VPS26B: variants seen among roughly 807,000 people sequenced by gnomAD.
The protein encoded by VPS26B is VPS26 retromer complex component B, also known as vacuolar protein sorting-associated protein 26B.
Under a neutral mutation model 33.3 loss-of-function variants are expected in VPS26B, and 10 were observed. The ratio of observed to expected loss-of-function variants is 0.30; its 90% CI spans 0.19 to 0.51. VPS26B has a LOEUF of 0.51. Among genes scored for constraint, VPS26B ranks in the 20% least tolerant of loss-of-function variants. The probability of loss-of-function intolerance (pLI) is 0.98; values close to 1 mark genes in which losing one functional copy is unlikely to be tolerated. For missense variants in VPS26B, 317 were observed against 452.7 expected, an observed-to-expected ratio of 0.70 and a Z score of 2.72; for synonymous variants, 190 against 176.9, an observed-to-expected ratio of 1.07 and a Z score of -0.59.
At chr11:134,229,092 C>T (rs373441246) in intron 1 of VPS26B, among the ~76,000 whole-genome samples, 6 of 152,288 alleles carry the variant, frequency 3.9e-5, no homozygotes, top group South Asian at 2.1e-4. Flanking sequence ...TGCAGTGCCA[C>T]GATCACAGCT....
chr11:134,229,532 C>T (rs1565354775), intron 1 of VPS26B, among the ~76,000 whole-genome samples: 1 of 152,292 alleles, frequency 6.6e-6, no homozygotes, highest in East Asian at 1.9e-4. Flanking sequence ...CCATTTCGGC[C>T]TATGTCAGCT....
At chr11:134,234,071 A>T (rs1251531543) in intron 1 of VPS26B, among the ~76,000 whole-genome samples, 1 of 152,114 alleles carries the variant, frequency 6.6e-6, no homozygotes, top group Non-Finnish European at 1.5e-5. Flanking sequence ...AATCAGAAAC[A>T]CTAGGGTGGA....
At chr11:134,232,707 C>A (rs1367149698) in intron 1 of VPS26B, among the ~76,000 whole-genome samples, 1 of 152,194 alleles carries the variant, frequency 6.6e-6, no homozygotes, top group Non-Finnish European at 1.5e-5. Context: ...TTTTTCCATC[C>A]TTTTCTTCTC....
rs1938784844 is a variant in VPS26B at position 134,244,749 on chromosome 11, G to A, written c.722-189G>A. 1 of 643,874 alleles carries A rather than the reference G, an allele frequency of 1.6e-6. No homozygotes were observed. The highest frequency in any genetic ancestry group is 2.5e-6 in the Non-Finnish European group (1 of 393,352). The allele number at this position is 643,874 out of a possible 1,614,324, so 39.9% of individuals were successfully genotyped here. A position where few individuals can be genotyped will look rare whatever the true frequency, so the allele number is the denominator to read the frequency against. ...ACATGAGAAGCTGCAACATGACCTG[G>A]AGTGGAACTGGAGAGTCACATTTTT... On this transcript the variant is annotated intron_variant, in intron 4 of 5. Coordinates refer to ENST00000281187, the MANE Select transcript of VPS26B (RefSeq NM_052875.5). This position sits in a 1 kb window ranked among gnomAD's most constrained non-coding sequence, Gnocchi z 4.0.
In VPS26B at chr11:134,242,336, G is replaced by A. The variant is rs1055250795; in HGVS notation, c.546-783G>A. Among the ~76,000 whole-genome samples the A allele has an allele frequency of 2.0e-5, 3 of 152,124 alleles. No individual in the cohort carries two copies. In the East Asian group the frequency reaches 5.8e-4, roughly 29 times the overall value. ...TTTCTCTACCCCCTACTCACATCCT[G>A]GTTATCCAAGAGAACATTATCTCTT... On this transcript the variant is annotated intron_variant, in intron 3 of 5. Coordinates refer to ENST00000281187, the MANE Select transcript of VPS26B (RefSeq NM_052875.5).
At chr11:134,235,194 C>T in intron 2 of VPS26B, 141 bp downstream of exon 2, 1 of 1,113,250 alleles carries the variant, frequency 9.0e-7, no homozygotes, top group South Asian at 1.7e-5. Context: ...GCTGGTAAAC[C>T]ATTAACCGTG....
At chr11:134,232,113 C>T (rs1938563289) in intron 1 of VPS26B, among the ~76,000 whole-genome samples, 3 of 150,130 alleles carry the variant, frequency 2.0e-5, no homozygotes, top group Admixed American at 6.7e-5. Flanking sequence ...AAACCAAAGA[C>T]AGGATAGTTA....
At position 134,244,763 on chromosome 11, in the gene VPS26B, A is replaced by G; in HGVS notation, c.722-175A>G. On this transcript the variant is annotated intron_variant, in intron 4 of 5. Transcript: ENST00000281187. The surrounding 1 kb of genome is among the most constrained non-coding windows in gnomAD (Gnocchi z 4.0). ...AACATGACCTGGAGTGGAACTGGAG[A>G]GTCACATTTTTGTTTCAGCCACCTG... 2 of 748,750 alleles carry G rather than the reference A, an allele frequency of 2.7e-6. No homozygotes were observed. Among genetic ancestry groups the G allele is most frequent in the South Asian group, 2.0e-5 (1 of 49,234 alleles). The allele number at this position is 748,750 out of a possible 1,614,324, so 46.4% of individuals were successfully genotyped here.
rs1938609271 is a variant in VPS26B at position 134,234,937 on chromosome 11, C to T, written c.264C>T (p.Ser88=). The part of the protein sequence containing the change: ...YDRGNHHEFV[S]LVKDLARPGE... ...GCGGGAACCACCATGAGTTTGTGTC[C>T]CTGGTGAAGGACCTGGCCCGGCCTG... The change falls in exon 2 of 6, where the codon TCC becomes TCT. Residue 88 remains serine (S), a synonymous_variant. Coordinates refer to ENST00000281187, the MANE Select transcript of VPS26B (RefSeq NM_052875.5). The T allele has an allele frequency of 1.2e-6, 2 of 1,614,112 alleles. No individual in the cohort carries two copies. The highest frequency in any genetic ancestry group is 1.3e-5 in the African/African-American group (1 of 75,018).
Position 134,240,793 on chromosome 11 carries a change from C to CTG in VPS26B, c.545+638_545+639insTG, listed in dbSNP as rs1491496064. On this transcript the variant is annotated intron_variant, in intron 3 of 5. Transcript: ENST00000281187. This position sits in a 1 kb window ranked among gnomAD's most constrained non-coding sequence, Gnocchi z 4.4. ...TGTGTCCGTGTGTGTGTGTGTGTGT[C>CTG]CGTGTGTGTGTGTGTGTGTGTGTGT... Among the ~76,000 whole-genome samples the CTG allele has an allele frequency of 1.6e-5, 1 of 61,928 alleles. No homozygotes were observed. The highest frequency in any genetic ancestry group is 6.4e-5 in the African/African-American group (1 of 15,542). 40.6% of individuals were successfully genotyped at this position (61,928 alleles called of 152,430 possible).
chr11:134,228,559 AG>A (rs1675997654), intron 1 of VPS26B, among the ~76,000 whole-genome samples: 1 of 152,194 alleles, frequency 6.6e-6, no homozygotes, highest in South Asian at 2.1e-4. Flanking sequence ...TCGATGTAAA[AG>A]GGAGTTTGTG....
chr11:134,235,188 G>A, intron 2 of VPS26B, 135 bp downstream of exon 2: 1 of 1,178,084 alleles, frequency 8.5e-7, no homozygotes, highest in Non-Finnish European at 1.2e-6. Flanking sequence ...TGGCGTGCTG[G>A]TAAACCATTA....
rs1938862688 is a variant in VPS26B, at chr11:134,247,708, TAAA to T, written c.*2120_*2122del. ...TGTGTCATCTTTTCAATGGCTGTATTAAAAGAAGAACGTTTGTTTTAATGGTCT... is the reference window on the plus strand; with the variant it reads ...TGTGTCATCTTTTCAATGGCTGTATTAGAAGAACGTTTGTTTTAATGGTCT... On this transcript the variant is annotated 3_prime_UTR_variant, in exon 6 of 6. Transcript: ENST00000281187. The T allele has an allele frequency of 6.5e-6, 1 of 154,392 alleles. No individual in the cohort carries two copies. Among genetic ancestry groups the T allele is most frequent in the African/African-American group, 2.4e-5 (1 of 41,458 alleles). The allele number at this position is 154,392 out of a possible 1,614,324, so 9.6% of individuals were successfully genotyped here.
At position 134,224,904 on chromosome 11, in the gene VPS26B, C is replaced by G. The variant is rs946675278; in HGVS notation, c.-219C>G. 1 of 201,998 alleles carries G rather than the reference C, an allele frequency of 5.0e-6. No individual in the cohort carries two copies. The highest frequency in any genetic ancestry group is 2.4e-5 in the African/African-American group (1 of 42,482). The allele number at this position is 201,998 out of a possible 1,614,324, so 12.5% of individuals were successfully genotyped here. On this transcript the variant is annotated 5_prime_UTR_variant, in exon 1 of 6. Coordinates refer to ENST00000281187, the MANE Select transcript of VPS26B (RefSeq NM_052875.5). ...CCTCGGTGCATTGCTGCTCGGGCGC[C>G]GCAGCCCGCAGCCGCCAGCCTCCCC...
At chr11:134,237,091 C>T (rs1280967237) in intron 2 of VPS26B, among the ~76,000 whole-genome samples, 2 of 152,196 alleles carry the variant, frequency 1.3e-5, no homozygotes, top group Admixed American at 6.5e-5. Context: ...AAAGATGTAA[C>T]TTCCAGATTA....
chr11:134,240,514 A>G lies in VPS26B; in HGVS notation c.545+359A>G, dbSNP rs1389037817. Among the ~76,000 whole-genome samples, 2 of 152,228 alleles carry G rather than the reference A, an allele frequency of 1.3e-5. No homozygotes were observed. Among genetic ancestry groups the G allele is most frequent in the South Asian group, 2.1e-4 (1 of 4,826 alleles). On this transcript the variant is annotated intron_variant, in intron 3 of 5. Transcript: ENST00000281187. The surrounding 1 kb of genome is among the most constrained non-coding windows in gnomAD (Gnocchi z 4.4). ...AAGAACAATCTCAGAATACCATTCC[A>G]TTATCATGTGCTCCCTCCATCTGTG...
At position 134,225,154 on chromosome 11, in the gene VPS26B, A is replaced by C. The variant is rs747138489; in HGVS notation, c.32A>C (p.Glu11Ala). The change falls in exon 1 of 6, where the codon GAG (glutamate) becomes GCG (alanine). Residue 11 changes from glutamate (E) to alanine (A), a missense_variant. Coordinates refer to ENST00000281187, the MANE Select transcript of VPS26B (RefSeq NM_052875.5). ...TTCTTCGGCTTCGGGCAGAGCGTGG[A>C]GGTGGAAATCCTTCTGAACGATGCA... is the stretch of plus-strand genomic sequence containing the variant. The part of the protein sequence containing the change: MSFFGFGQSV[E>A]VEILLNDAES... 2 of 1,612,646 alleles carry C rather than the reference A, an allele frequency of 1.2e-6. No individual in the cohort carries two copies. Among genetic ancestry groups the C allele is most frequent in the African/African-American group, 2.7e-5 (2 of 74,890 alleles).
Position 134,245,864 on chromosome 11 carries a change from CGG to C in VPS26B, c.*279_*280del, listed in dbSNP as rs1311669402. The C allele has an allele frequency of 2.3e-6, 1 of 434,656 alleles. No individual in the cohort carries two copies. 26.9% of individuals were successfully genotyped at this position (434,656 alleles called of 1,614,324 possible). A position where few individuals can be genotyped will look rare whatever the true frequency, so the allele number is the denominator to read the frequency against. On this transcript the variant is annotated 3_prime_UTR_variant, in exon 6 of 6. Transcript: ENST00000281187. The surrounding 1 kb of genome is among the most constrained non-coding windows in gnomAD (Gnocchi z 4.7). The stretch of plus-strand genomic sequence containing the variant: ...TCTGGGGAACATGAGCCCCCTTCCT[CGG>C]GGGGCTGCCTTGCGTCTTAGAGGAG...
rs2136056074 is a variant in VPS26B, at chr11:134,247,276, GA to G, written c.*1687del. 6.6e-6 allele frequency: 1 copy of G among 152,318 alleles called. No homozygotes were observed. The highest frequency in any genetic ancestry group is 1.5e-5 in the Non-Finnish European group (1 of 68,028). The allele number at this position is 152,318 out of a possible 1,614,324, so 9.4% of individuals were successfully genotyped here. ...GATGATCAAGGTTGGGGCTTAAGTGGATAAGGGAGGCAAGTTCTGGGTTCCT... is the reference window on the plus strand; with the variant it reads ...GATGATCAAGGTTGGGGCTTAAGTGGTAAGGGAGGCAAGTTCTGGGTTCCT... On this transcript the variant is annotated 3_prime_UTR_variant, in exon 6 of 6. Transcript: ENST00000281187.
Sources: allele counts gnomAD v4.1 joint callset (sites outside exome capture counted in the v4.1 genomes callset), GRCh38; gene constraint gnomAD v4.1.1; non-coding constraint Gnocchi (gnomAD v3.1); transcripts MANE v1.5; gene names NCBI Gene and HGNC (gene_info 2026-07-23, HGNC 2026-07-21).